GSTM2: variants seen among roughly 807,000 people sequenced by gnomAD.
The protein encoded by GSTM2 is GST class-mu 2.
GSTM2 carries 33 observed loss-of-function variants against 33.3 expected under a neutral mutation model. That is an observed-to-expected ratio of 0.99 (90% CI 0.75 to 1.33). The LOEUF (loss-of-function observed/expected upper bound fraction) is 1.33. GSTM2 is among the 40% of genes most tolerant of loss of function. The pLI, the probability that GSTM2 is intolerant of heterozygous loss-of-function variation, is 0.00. For missense variants in GSTM2, 213 were observed against 265.8 expected, an observed-to-expected ratio of 0.80 and a Z score of 1.38; for synonymous variants, 93 against 95.6, an observed-to-expected ratio of 0.97 and a Z score of 0.16.
chr1:109,671,652 T>G (rs1647548642), intron 7 of GSTM2, 69 bp downstream of exon 7: 5 of 933,914 alleles, frequency 5.4e-6, no homozygotes, highest in South Asian at 1.3e-5. Context: ...GCTTTCCCAG[T>G]CCTGGAGCTA....
chr1:109,669,414 T>G lies in GSTM2; in HGVS notation c.259+43T>G, dbSNP rs375411296. 85 of 1,612,930 alleles carry G rather than the reference T, an allele frequency of 5.3e-5. No individual in the cohort carries two copies. In the African/African-American group the frequency reaches 7.7e-4, roughly 15 times the overall value. On this transcript the variant is annotated intron_variant, in intron 4 of 7. Coordinates refer to ENST00000241337, the MANE Select transcript of GSTM2 (RefSeq NM_000848.4). Reference sequence around the variant, plus strand: ...CAAGATGCGGGGAGGGACCGTGGCCTCCTCCTCGGCTTGGCTGGGCTGTGA... The same window carrying G: ...CAAGATGCGGGGAGGGACCGTGGCCGCCTCCTCGGCTTGGCTGGGCTGTGA...
intron 5 of GSTM2, chr1:109,669,947 A>C (rs966070795): frequency 4.9e-6 from 1 of 203,708 alleles, no homozygotes; most frequent in Non-Finnish European, 1.0e-5. Context: ...GCAGACCTTC[A>C]TAGTGAATGT....
At chr1:109,669,268 C>A (rs770640171) in intron 3 of GSTM2, 22 bp from the exon 4 acceptor site, 2 of 1,613,914 alleles carry the variant, frequency 1.2e-6, no homozygotes, top group East Asian at 2.2e-5. Flanking sequence ...AACTGAGCTT[C>A]CCCGGTTTCC....
intron 7 of GSTM2, among the ~76,000 whole-genome samples, chr1:109,680,475 G>A (rs1003147829): frequency 1.3e-4 from 19 of 145,082 alleles, no homozygotes; most frequent in East Asian, 6.6e-4. Context: ...GTAAATCTCC[G>A]TGTTGATGAT....
At chr1:109,673,379 T>TAA (rs1647613768) in intron 7 of GSTM2, 4 of 1,165,022 alleles carry the variant, frequency 3.4e-6, no homozygotes, top group Non-Finnish European at 4.9e-6. Flanking sequence ...GTGCTGAACT[T>TAA]GTTTGAGAGC....
At chr1:109,676,059 T>C (rs191352171), downstream of GSTM2, among the ~76,000 whole-genome samples, 18 of 152,334 alleles carry the variant, frequency 1.2e-4, no homozygotes, top group East Asian at 2.3e-3. Context: ...CTCCCACTTA[T>C]AAAACCATCA....
chr1:109,678,243 C>G (rs891427935), downstream of GSTM2, among the ~76,000 whole-genome samples: 1 of 152,158 alleles, frequency 6.6e-6, no homozygotes, highest in African/African-American at 2.4e-5. Context: ...CTCCTGGGTT[C>G]AAGCGATTCT....
rs1805358 is a variant in GSTM2 at position 109,674,837 on chromosome 1, G to A, written c.*1G>A. 6.2e-7 allele frequency: 1 copy of A among 1,614,106 alleles called. No homozygotes were observed. The highest frequency in any genetic ancestry group is 8.5e-7 in the Non-Finnish European group (1 of 1,180,024). On this transcript the variant is annotated 3_prime_UTR_variant, in exon 8 of 8. Transcript: ENST00000241337. ...GATGGCTGTCTGGGGCAACAAGTAG[G>A]GCCTTGAAGGCCAGGAGGTGGGAGT...
rs369075806 is a variant in GSTM2, at chr1:109,674,737, C to A, written c.568-10C>A. ...ACCTTGAGTTCTGGCCTTATTTTCC[C>A]CCCTCTCAGGGCTTGGAGAAGATCT... On this transcript the variant is annotated splice_polypyrimidine_tract_variant and intron_variant, in intron 7 of 7. Transcript: ENST00000241337. The A allele has an allele frequency of 3.1e-6, 5 of 1,614,046 alleles. No individual in the cohort carries two copies. The highest frequency in any genetic ancestry group is 4.2e-6 in the Non-Finnish European group (5 of 1,180,032).
chr1:109,673,191 C>T, intron 7 of GSTM2: 1 of 1,611,266 alleles, frequency 6.2e-7, no homozygotes, highest in South Asian at 1.1e-5. Context: ...TTTTTTCCCT[C>T]CAATGTTCCA....
chr1:109,673,822 C>G (rs1223848692), intron 7 of GSTM2, among the ~76,000 whole-genome samples: 1 of 152,202 alleles, frequency 6.6e-6, no homozygotes, highest in African/African-American at 2.4e-5. Context: ...TGGTCTCCAA[C>G]TCTTGACCTC....
rs1487685628 is a variant in GSTM2, at chr1:109,671,692, G to GT, written c.567+110dup. The GT allele has an allele frequency of 3.8e-6, 3 of 781,502 alleles. No homozygotes were observed. In the African/African-American group the frequency reaches 5.1e-5, roughly 13 times the overall value. 48.4% of individuals were successfully genotyped at this position (781,502 alleles called of 1,614,324 possible). A position where few individuals can be genotyped will look rare whatever the true frequency, so the allele number is the denominator to read the frequency against. ...AAGAATAACTCACATTTTTGGCCAT[G>GT]TGCGGTGGCTCACGCCTGTAATCTC... On this transcript the variant is annotated intron_variant, in intron 7 of 7. Coordinates refer to ENST00000241337, the MANE Select transcript of GSTM2 (RefSeq NM_000848.4).
chr1:109,673,314 C>T (rs1647611631), intron 7 of GSTM2: 3 of 1,577,428 alleles, frequency 1.9e-6, no homozygotes, highest in Non-Finnish European at 1.7e-6. Context: ...ATGACAGCCC[C>T]ATCCTGGAAA....
chr1:109,678,760 A>T (rs1647775325), downstream of GSTM2, among the ~76,000 whole-genome samples: 1 of 137,970 alleles, frequency 7.2e-6, no homozygotes, highest in South Asian at 2.3e-4. Context: ...ACTCCCTCTC[A>T]AAAAAAAAAA....
At chr1:109,679,727 T>C (rs1305113765), downstream of GSTM2, among the ~76,000 whole-genome samples, 1 of 152,204 alleles carries the variant, frequency 6.6e-6, no homozygotes, top group African/African-American at 2.4e-5. Flanking sequence ...TTGTTCTTGG[T>C]TTCCTGTGGC....
downstream of GSTM2, among the ~76,000 whole-genome samples, chr1:109,679,665 T>A (rs1480509902): frequency 6.6e-6 from 1 of 152,166 alleles, no homozygotes; most frequent in Non-Finnish European, 1.5e-5. Context: ...AGAATGATCT[T>A]GTGGCAGTCA....
In GSTM2 at chr1:109,668,327, C is replaced by T. The variant is rs1015248720; in HGVS notation, c.37-98C>T. On this transcript the variant is annotated intron_variant, in intron 1 of 7. Transcript: ENST00000241337. ...GCGTGCGGGGTGGGGGCGGGTGAGGCAGGAACGAGAGGAGGAGATGGGGCT... is the reference window on the plus strand; with the variant it reads ...GCGTGCGGGGTGGGGGCGGGTGAGGTAGGAACGAGAGGAGGAGATGGGGCT... 1.5e-5 allele frequency: 21 copies of T among 1,441,154 alleles called. No homozygotes were observed. In the African/African-American group the frequency reaches 2.2e-4, roughly 15 times the overall value. 89.3% of individuals were successfully genotyped at this position (1,441,154 alleles called of 1,614,324 possible). A position where few individuals can be genotyped will look rare whatever the true frequency, so the allele number is the denominator to read the frequency against.
At chr1:109,669,689 A>G (rs1330527510) in intron 5 of GSTM2, 118 bp downstream of exon 5, 4 of 674,430 alleles carry the variant, frequency 5.9e-6, no homozygotes, top group Middle Eastern at 2.8e-4. Flanking sequence ...TGCTGACTCT[A>G]AGAATGAAGC....
At chr1:109,668,592 C>A in intron 2 of GSTM2, 92 bp downstream of exon 2, 1 of 1,405,558 alleles carries the variant, frequency 7.1e-7, no homozygotes, top group Non-Finnish European at 1.0e-6. Flanking sequence ...CTCTGCAGGC[C>A]TCCCTTGCTG....
Sources: allele counts gnomAD v4.1 joint callset (sites outside exome capture counted in the v4.1 genomes callset), GRCh38; gene constraint gnomAD v4.1.1; transcripts MANE v1.5; gene names NCBI Gene and HGNC (gene_info 2026-07-23, HGNC 2026-07-21).